Variants in MKLN1 observed in about 807,000 individuals in gnomAD.
MKLN1 encodes muskelin.
Under a neutral mutation model 99.0 loss-of-function variants are expected in MKLN1, and 18 were observed. That is an observed-to-expected ratio of 0.18 (90% CI 0.13 to 0.27). The LOEUF is 0.27. Ranked by LOEUF, MKLN1 falls within the 10% of genes least tolerant of loss-of-function variation. The probability of loss-of-function intolerance (pLI) is 1.00; values close to 1 mark genes in which losing one functional copy is unlikely to be tolerated. For synonymous variants in MKLN1, 288 were observed against 293.2 expected (o/e 0.98, Z 0.18); for missense variants, 621 against 875.9 (o/e 0.71, Z 3.67).
chr7:131,161,085 G>A (rs537411705), intron 2 of MKLN1, among the ~76,000 whole-genome samples: 1 of 152,186 alleles, frequency 6.6e-6, no homozygotes, highest in South Asian at 2.1e-4. Context: ...CAATAGATGG[G>A]GAGTGACCAT....
At chr7:131,319,874 G>A (rs1798741388) in intron 3 of MKLN1, among the ~76,000 whole-genome samples, 3 of 152,212 alleles carry the variant, frequency 2.0e-5, no homozygotes, top group South Asian at 4.1e-4. Flanking sequence ...AGTTTTCAAG[G>A]GACGTGAAGG....
intron 3 of MKLN1, among the ~76,000 whole-genome samples, chr7:131,233,157 T>C (rs1379289318): frequency 2.0e-5 from 3 of 152,062 alleles, no homozygotes; most frequent in Non-Finnish European, 2.9e-5. Context: ...CTGAGCAACA[T>C]AGCGAGATTC....
intron 12 of MKLN1, among the ~76,000 whole-genome samples, chr7:131,453,240 T>C (rs949409708): frequency 2.0e-5 from 3 of 152,186 alleles, no homozygotes; most frequent in African/African-American, 7.2e-5. Context: ...GCAAGAACAC[T>C]AACAACAATT....
At chr7:131,183,819 G>T (rs976601846) in intron 2 of MKLN1, among the ~76,000 whole-genome samples, 1 of 152,116 alleles carries the variant, frequency 6.6e-6, no homozygotes, top group Non-Finnish European at 1.5e-5. Flanking sequence ...ACACATGGTT[G>T]CTTCTAAGAG....
At chr7:131,175,907 A>AC (rs71168381) in intron 2 of MKLN1, among the ~76,000 whole-genome samples, 27,321 of 151,900 alleles carry the variant, frequency 0.18, 3,178 homozygotes, top group East Asian at 0.47. Context: ...TCAAAAAAAA[A>AC]CCAAAAAACA....
At chr7:131,368,842 A>G (rs919270040) in intron 1 of MKLN1, among the ~76,000 whole-genome samples, 1 of 152,196 alleles carries the variant, frequency 6.6e-6, no homozygotes, top group East Asian at 1.9e-4. Context: ...GATAAATAAT[A>G]TATGCTTATA....
At chr7:131,407,886 G>A (rs7788446) in intron 6 of MKLN1, among the ~76,000 whole-genome samples, 82,899 of 151,676 alleles carry the variant, frequency 0.55, 23,099 homozygotes, top group East Asian at 0.67. Context: ...CCTTGGTGCT[G>A]TATTTCTCAT....
chr7:131,291,964 A>G (rs1798225752), intron 3 of MKLN1, among the ~76,000 whole-genome samples: 1 of 151,978 alleles, frequency 6.6e-6, no homozygotes, highest in Admixed American at 6.6e-5. Flanking sequence ...AAAATTAGCC[A>G]GGTGTGGTGG....
chr7:131,400,060 T>C (rs1794488289), intron 6 of MKLN1, among the ~76,000 whole-genome samples: 1 of 152,058 alleles, frequency 6.6e-6, no homozygotes, highest in Non-Finnish European at 1.5e-5. Context: ...AGTATGACTT[T>C]TTTTTTTAAT....
At chr7:131,281,475 CT>C (rs1475766447) in intron 3 of MKLN1, among the ~76,000 whole-genome samples, 3 of 152,176 alleles carry the variant, frequency 2.0e-5, no homozygotes, top group African/African-American at 4.8e-5. Flanking sequence ...CCTCTTCCAA[CT>C]TTGTTCTTCC....
At chr7:131,179,580 G>A (rs1336903695) in intron 2 of MKLN1, among the ~76,000 whole-genome samples, 1 of 105,168 alleles carries the variant, frequency 9.5e-6, no homozygotes, top group Admixed American at 9.4e-5. Flanking sequence ...TTATTATTTT[G>A]TTGTTGTTGT....
At chr7:131,332,436 AT>A (rs1799105156) in intron 1 of MKLN1, among the ~76,000 whole-genome samples, 1 of 148,500 alleles carries the variant, frequency 6.7e-6, no homozygotes, top group Non-Finnish European at 1.5e-5. Context: ...TAAGAAAAAA[AT>A]AGACACTTTT....
At chr7:131,152,963 A>T (rs961195328) in intron 2 of MKLN1, among the ~76,000 whole-genome samples, 2 of 151,336 alleles carry the variant, frequency 1.3e-5, no homozygotes, top group African/African-American at 4.8e-5. Context: ...GATGTTTCTG[A>T]TTGCATTCCT....
chr7:131,294,690 G>A (rs1456951529), intron 3 of MKLN1, among the ~76,000 whole-genome samples: 1 of 152,144 alleles, frequency 6.6e-6, no homozygotes, highest in Non-Finnish European at 1.5e-5. Context: ...TCTTCCCAAG[G>A]GACCACTGTC....
chr7:131,147,972 T>C (rs1171696121), intron 2 of MKLN1, among the ~76,000 whole-genome samples: 1 of 152,230 alleles, frequency 6.6e-6, no homozygotes, highest in Non-Finnish European at 1.5e-5. Flanking sequence ...ACTTAAGCAC[T>C]GACAAGCATT....
At chr7:131,404,710 A>T (rs1460967094) in intron 6 of MKLN1, among the ~76,000 whole-genome samples, 1 of 151,668 alleles carries the variant, frequency 6.6e-6, no homozygotes, top group African/African-American at 2.4e-5. Flanking sequence ...GGCTCAAGTG[A>T]TCCTCTTACC....
intron 3 of MKLN1, chr7:131,310,668 G>A (rs1798548855): frequency 6.6e-6 from 1 of 152,162 alleles, no homozygotes; most frequent in African/African-American, 2.4e-5. Context: ...CTTTCTAATT[G>A]CCTCTATAGA....
At chr7:131,382,508 T>G (rs1274591641) in intron 2 of MKLN1, among the ~76,000 whole-genome samples, 1 of 152,162 alleles carries the variant, frequency 6.6e-6, no homozygotes, top group Non-Finnish European at 1.5e-5. Flanking sequence ...AAAAGGTTTG[T>G]CGTTTTAAAA....
chr7:131,372,964 T>C (rs1202992567), intron 1 of MKLN1, among the ~76,000 whole-genome samples: 1 of 151,982 alleles, frequency 6.6e-6, no homozygotes, highest in South Asian at 2.1e-4. Flanking sequence ...TATGTTTCAA[T>C]TTCTTAAATT....
Sources: allele counts gnomAD v4.1 joint callset (sites outside exome capture counted in the v4.1 genomes callset), GRCh38; gene constraint gnomAD v4.1.1; transcripts MANE v1.5; gene names NCBI Gene and HGNC (gene_info 2026-07-23, HGNC 2026-07-21).